ZC3H3: variants seen among roughly 807,000 people sequenced by gnomAD.
ZC3H3 encodes zinc finger CCCH domain-containing protein 3.
ZC3H3 carries 36 observed loss-of-function variants against 77.3 expected under a neutral mutation model. The ratio of observed to expected loss-of-function variants is 0.47; its 90% CI spans 0.36 to 0.61. The LOEUF is 0.61. Ranked by LOEUF, ZC3H3 falls within the 20% of genes least tolerant of loss-of-function variation. ZC3H3 has a pLI of 0.00. For missense variants in ZC3H3, 1,331 were observed against 1,312.2 expected (o/e 1.01, Z -0.22); for synonymous variants, 626 against 555.2 (o/e 1.13, Z -1.79).
chr8:143,482,796 G>A (rs1820942059), intron 4 of ZC3H3, among the ~76,000 whole-genome samples: 3 of 152,216 alleles, frequency 2.0e-5, no homozygotes, highest in Non-Finnish European at 2.9e-5. Context: ...ATATGCAGAC[G>A]TGGAAAGACC....
chr8:143,540,052 G>A (rs1822958308), intron 1 of ZC3H3, among the ~76,000 whole-genome samples: 2 of 152,224 alleles, frequency 1.3e-5, no homozygotes, highest in East Asian at 1.9e-4. Context: ...GGCACAGAAA[G>A]CCACGTCCAG....
chr8:143,473,694 G>C (rs576534926), intron 5 of ZC3H3, among the ~76,000 whole-genome samples: 5 of 152,210 alleles, frequency 3.3e-5, no homozygotes, highest in African/African-American at 1.2e-4. Context: ...GGGACCACCC[G>C]GCATGAGCAG....
Position 143,440,269 on chromosome 8 carries a change from C to T in ZC3H3, c.2587G>A (p.Gly863Arg), listed in dbSNP as rs901618494. ...AVAAPPHCPG[G>R]SASPSSSKAS... ...TTCGAGGATGAGGGAGAGGCTGACC[C>T]CCCTGGGCAGTGGGGAGGTGCAGCC... The change falls in exon 11 of 12, where the codon GGG (glycine) becomes AGG (arginine). Residue 863 changes from glycine to arginine, a missense_variant. This residue lies in a region of ZC3H3 where 249 missense variants were observed against 236.9 expected (regional missense o/e 1.05). Transcript: ENST00000262577. The T allele has an allele frequency of 8.2e-6, 13 of 1,585,236 alleles. No homozygotes were observed. Among genetic ancestry groups the T allele is most frequent in the South Asian group, 2.3e-5 (2 of 88,030 alleles).
chr8:143,452,708 G>A (rs1288277603), intron 9 of ZC3H3, among the ~76,000 whole-genome samples: 1 of 152,198 alleles, frequency 6.6e-6, no homozygotes. Context: ...TCAGTGTGTG[G>A]CACAACAGCT....
intron 9 of ZC3H3, among the ~76,000 whole-genome samples, chr8:143,453,958 G>A (rs1007206174): frequency 3.3e-5 from 5 of 152,264 alleles, no homozygotes; most frequent in African/African-American, 1.2e-4. Flanking sequence ...CACTACAAAA[G>A]CTATATAGTG....
intron 9 of ZC3H3, among the ~76,000 whole-genome samples, chr8:143,451,475 C>T (rs573705228): frequency 2.6e-5 from 4 of 152,152 alleles, no homozygotes; most frequent in African/African-American, 7.2e-5. Context: ...CTCAGTAAAA[C>T]GGATCCACTT....
chr8:143,513,911 A>C (rs1447778039), intron 3 of ZC3H3, among the ~76,000 whole-genome samples: 1 of 152,204 alleles, frequency 6.6e-6, no homozygotes, highest in African/African-American at 2.4e-5. Flanking sequence ...GCTATGGAGC[A>C]GCTGAAATCC....
intron 5 of ZC3H3, 40 bp from the exon 6 acceptor site, chr8:143,468,699 C>A: frequency 6.5e-7 from 1 of 1,532,820 alleles, no homozygotes; most frequent in Non-Finnish European, 8.8e-7. Flanking sequence ...AGGCCACAGC[C>A]TGGCCCGCAC....
chr8:143,506,361 G>A (rs376146930), intron 4 of ZC3H3, among the ~76,000 whole-genome samples: 1 of 152,156 alleles, frequency 6.6e-6, no homozygotes. Flanking sequence ...CCGATGATCC[G>A]GGGCTCTTAT....
At position 143,510,873 on chromosome 8, in the gene ZC3H3, C is replaced by T. The variant is rs145428454; in HGVS notation, c.1562-2974G>A. 1.6e-3 allele frequency among the ~76,000 whole-genome samples: 249 copies of T among 152,356 alleles called. 1 individual carries two copies. Among genetic ancestry groups the T allele is most frequent in the African/African-American group, 5.7e-3 (238 of 41,576 alleles). On this transcript the variant is annotated intron_variant, in intron 3 of 11. Transcript: ENST00000262577. ...GCATTCCCGTGGCACACTCCGCGCA[C>T]ATCAAACCCCTTGCGCCTTTATTGC...
chr8:143,523,868 G>A (rs1017335064), intron 3 of ZC3H3, among the ~76,000 whole-genome samples: 14 of 152,258 alleles, frequency 9.2e-5, no homozygotes, highest in Non-Finnish European at 1.6e-4. Flanking sequence ...CAGGATGATG[G>A]AGAGCAAGCT....
At chr8:143,500,574 G>A (rs1821494270) in intron 4 of ZC3H3, among the ~76,000 whole-genome samples, 1 of 152,236 alleles carries the variant, frequency 6.6e-6, no homozygotes, top group Admixed American at 6.5e-5. Flanking sequence ...GAAAACAAGT[G>A]TCTTTGGCCC....
chr8:143,459,504 G>A (rs1184961103), intron 9 of ZC3H3, among the ~76,000 whole-genome samples: 2 of 152,096 alleles, frequency 1.3e-5, no homozygotes, highest in East Asian at 1.9e-4. Context: ...AGCTGAGATC[G>A]TACCAGTGCA....
In ZC3H3 at chr8:143,462,731, T is replaced by C. The variant is rs1352058792; in HGVS notation, c.2307+2986A>G. ...AGGCTCACGGAGCAGGCACTGCAGATGCAGGAGGGCCAAGGTGTGCAGGAG... is the reference window on the plus strand; with the variant it reads ...AGGCTCACGGAGCAGGCACTGCAGACGCAGGAGGGCCAAGGTGTGCAGGAG... On this transcript the variant is annotated intron_variant, in intron 9 of 11. Coordinates refer to ENST00000262577, the MANE Select transcript of ZC3H3 (RefSeq NM_015117.3). This position sits in a 1 kb window ranked among gnomAD's most constrained non-coding sequence, Gnocchi z 4.7. Among the ~76,000 whole-genome samples, 1 of 152,230 alleles carries C rather than the reference T, an allele frequency of 6.6e-6. No individual in the cohort carries two copies. Among genetic ancestry groups the C allele is most frequent in the Non-Finnish European group, 1.5e-5 (1 of 68,032 alleles).
chr8:143,492,623 C>T (rs1278122937), intron 4 of ZC3H3, among the ~76,000 whole-genome samples: 3 of 152,340 alleles, frequency 2.0e-5, no homozygotes, highest in African/African-American at 4.8e-5. Context: ...CCCACACCTG[C>T]GTGGGCACCT....
chr8:143,490,915 T>C (rs1586918658), intron 4 of ZC3H3, among the ~76,000 whole-genome samples: 3 of 148,038 alleles, frequency 2.0e-5, no homozygotes, highest in African/African-American at 7.3e-5. Flanking sequence ...TCAAAATAAA[T>C]AAACAAATAA....
intron 3 of ZC3H3, among the ~76,000 whole-genome samples, chr8:143,518,286 T>C (rs990946984): frequency 6.8e-6 from 1 of 146,772 alleles, no homozygotes; most frequent in African/African-American, 2.5e-5. Flanking sequence ...GACCTTCACA[T>C]GGCTGGGCCT....
chr8:143,463,977 T>G (rs1378412191), intron 9 of ZC3H3, among the ~76,000 whole-genome samples: 1 of 152,266 alleles, frequency 6.6e-6, no homozygotes, highest in Non-Finnish European at 1.5e-5. Context: ...GAAGCAAGGT[T>G]AACAATTTCA....
At chr8:143,455,103 C>G (rs1184220155) in intron 9 of ZC3H3, among the ~76,000 whole-genome samples, 1 of 151,884 alleles carries the variant, frequency 6.6e-6, no homozygotes, top group East Asian at 1.9e-4. Context: ...ATCAGGGGGT[C>G]AGGAGTTCGA....
Sources: gnomAD v4.1 joint callset for allele counts (sites outside exome capture counted in the v4.1 genomes callset) on GRCh38, gnomAD v4.1.1 for gene constraint, gnomAD v4.1.1 regional missense constraint, Gnocchi (gnomAD v3.1) non-coding constraint, MANE v1.5 for transcripts, NCBI Gene and HGNC (gene_info 2026-07-23, HGNC 2026-07-21) for gene names.